Variants in KCNK9 observed in about 807,000 individuals in gnomAD.
The protein encoded by KCNK9 is potassium channel subfamily K member 9.
Under a neutral mutation model 10.8 loss-of-function variants are expected in KCNK9, and 1 was observed. The ratio of observed to expected loss-of-function variants is 0.09; its 90% CI spans 0.03 to 0.44. KCNK9 has a LOEUF of 0.44. KCNK9 is among the 20% of genes least tolerant of loss of function. The pLI, the probability that KCNK9 is intolerant of heterozygous loss-of-function variation, is 0.97. For missense variants in KCNK9, 303 were observed against 515.0 expected (o/e 0.59, Z 3.98); for synonymous variants, 231 against 222.7 (o/e 1.04, Z -0.33).
At chr8:139,660,960 C>T (rs139806695) in intron 1 of KCNK9, among the ~76,000 whole-genome samples, 11 of 152,320 alleles carry the variant, frequency 7.2e-5, no homozygotes, top group South Asian at 6.2e-4. Flanking sequence ...CAGCTTGTGA[C>T]AGGCACCAGC....
rs762904175 is a variant in KCNK9, at chr8:139,618,371, A to AGATCTCCTC, written c.1003_1011dup (p.Glu335_Ile337dup). 2.5e-5 allele frequency: 40 copies of AGATCTCCTC among 1,614,096 alleles called. No homozygotes were observed. The highest frequency in any genetic ancestry group is 3.2e-5 in the Non-Finnish European group (38 of 1,180,012). On this transcript the variant is annotated inframe_insertion, in exon 2 of 2. Coordinates refer to ENST00000520439, the MANE Select transcript of KCNK9 (RefSeq NM_001282534.2). This position sits in a 1 kb window ranked among gnomAD's most constrained non-coding sequence, Gnocchi z 7.9. ...AGGCTGTTTTTTAATGTGCTTGGTGAGATCTCCTCGATCTTGTAAGAGATG... is the reference window on the plus strand; with the variant it reads ...AGGCTGTTTTTTAATGTGCTTGGTGAGATCTCCTCGATCTCCTCGATCTTGTAAGAGATG...
intron 2 of KCNK9, among the ~76,000 whole-genome samples, chr8:139,603,964 C>A (rs1817429386): frequency 6.6e-6 from 1 of 152,228 alleles, no homozygotes; most frequent in Admixed American, 6.5e-5. Context: ...GCAACAGGTC[C>A]TGCCTCATGA....
At chr8:139,649,088 C>T (rs35050690) in intron 1 of KCNK9, among the ~76,000 whole-genome samples, 31 of 152,314 alleles carry the variant, frequency 2.0e-4, no homozygotes, top group Middle Eastern at 3.4e-3. Context: ...TCCCCATCCC[C>T]GACGCCGTGG....
intron 1 of KCNK9, among the ~76,000 whole-genome samples, chr8:139,690,264 A>G (rs3780029): frequency 0.53 from 81,286 of 152,048 alleles, 22,657 homozygotes; most frequent in Non-Finnish European, 0.62. Flanking sequence ...GATCTTCTAG[A>G]TCCTCATCTG....
At chr8:139,694,741 C>T (rs1817011713) in intron 1 of KCNK9, among the ~76,000 whole-genome samples, 1 of 152,202 alleles carries the variant, frequency 6.6e-6, no homozygotes, top group Admixed American at 6.5e-5. Context: ...AGCCCCCTCC[C>T]TCCACCCCAT....
chr8:139,611,390 T>G (rs974954902), downstream of KCNK9: 14 of 152,210 alleles, frequency 9.2e-5, no homozygotes, highest in African/African-American at 3.4e-4. Flanking sequence ...GCCTGAGCAG[T>G]ATCCACACCC....
At chr8:139,613,329 C>T (rs539358766), downstream of KCNK9, among the ~76,000 whole-genome samples, 3 of 152,156 alleles carry the variant, frequency 2.0e-5, no homozygotes, top group South Asian at 2.1e-4. Flanking sequence ...TGTGGGGGAC[C>T]GTGGTCATAG....
chr8:139,608,655 C>T (rs1264660825), downstream of KCNK9, among the ~76,000 whole-genome samples: 1 of 152,104 alleles, frequency 6.6e-6, no homozygotes, highest in African/African-American at 2.4e-5. Flanking sequence ...TGTACCTGCG[C>T]CCTCCAGCCA....
chr8:139,677,871 T>C lies in KCNK9; in HGVS notation c.283+24839A>G, dbSNP rs79066883. Among the ~76,000 whole-genome samples the C allele has an allele frequency of 4.9e-3, 194 of 39,696 alleles. 4 individuals carry two copies. Among genetic ancestry groups the C allele is most frequent in the East Asian group, 0.011 (23 of 2,062 alleles). The allele number at this position is 39,696 out of a possible 152,430, so 26.0% of individuals were successfully genotyped here. ...CACATCCCAGCCCAAGGGGTCCCCA[T>C]GGCTGCAGAGGAATGCCTCACATCT... On this transcript the variant is annotated intron_variant, in intron 1 of 1. Transcript: ENST00000520439.
At chr8:139,680,213 C>T (rs1816658089) in intron 1 of KCNK9, among the ~76,000 whole-genome samples, 1 of 152,230 alleles carries the variant, frequency 6.6e-6, no homozygotes, top group African/African-American at 2.4e-5. Flanking sequence ...CCAGCAGCAG[C>T]AGGCACAGGG....
downstream of KCNK9, chr8:139,617,067 G>A (rs1291510826): frequency 1.3e-5 from 2 of 152,174 alleles, no homozygotes; most frequent in Non-Finnish European, 2.9e-5. Flanking sequence ...AACTCTTCCT[G>A]AGACCAATGT....
intron 1 of KCNK9, among the ~76,000 whole-genome samples, chr8:139,654,899 C>A (rs544362543): frequency 6.6e-6 from 1 of 151,760 alleles, no homozygotes; most frequent in Non-Finnish European, 1.5e-5. Context: ...AGAGAGTGGG[C>A]GGATAAATGG....
At chr8:139,676,839 C>T in intron 1 of KCNK9, among the ~76,000 whole-genome samples, 1 of 152,138 alleles carries the variant, frequency 6.6e-6, no homozygotes, top group East Asian at 1.9e-4. Context: ...GTAATCCCAG[C>T]TATTTGGGAG....
intron 2 of KCNK9, among the ~76,000 whole-genome samples, chr8:139,602,360 A>G (rs999667227): frequency 3.3e-5 from 5 of 152,096 alleles, no homozygotes; most frequent in African/African-American, 1.2e-4. Context: ...TAGGTTGGCA[A>G]AGTTCAAATT....
intron 1 of KCNK9, among the ~76,000 whole-genome samples, chr8:139,700,544 G>GCGCGCA (rs796638723): frequency 8.4e-5 from 12 of 142,658 alleles, no homozygotes; most frequent in African/African-American, 2.6e-4. Context: ...ACACACGCGC[G>GCGCGCA]CACACACACA....
chr8:139,619,687 T>TA (rs756540835), intron 1 of KCNK9, among the ~76,000 whole-genome samples: 5 of 152,186 alleles, frequency 3.3e-5, no homozygotes, highest in African/African-American at 4.8e-5. Context: ...AAAACTGAGT[T>TA]AGCAGGGTAG....
intron 1 of KCNK9, among the ~76,000 whole-genome samples, chr8:139,681,828 G>T (rs1186931147): frequency 6.6e-6 from 1 of 152,226 alleles, no homozygotes; most frequent in African/African-American, 2.4e-5. Flanking sequence ...CGTGGACACT[G>T]CTATTTAACC....
chr8:139,670,198 C>T (rs561194970), intron 1 of KCNK9, among the ~76,000 whole-genome samples: 159 of 152,274 alleles, frequency 1.0e-3, no homozygotes, highest in African/African-American at 3.7e-3. Context: ...TAAGTGTGCC[C>T]TCTTGTACAG....
chr8:139,639,742 T>C (rs1815444834), intron 1 of KCNK9, among the ~76,000 whole-genome samples: 1 of 152,134 alleles, frequency 6.6e-6, no homozygotes, highest in African/African-American at 2.4e-5. Context: ...TTCCCTAAAG[T>C]GTCAGACTTC....
Sources: gnomAD v4.1 joint callset for allele counts (sites outside exome capture counted in the v4.1 genomes callset) on GRCh38, gnomAD v4.1.1 for gene constraint, Gnocchi (gnomAD v3.1) non-coding constraint, MANE v1.5 for transcripts, NCBI Gene and HGNC (gene_info 2026-07-23, HGNC 2026-07-21) for gene names.